The following ATXN2 variants were observed in gnomAD, a reference collection of about 807,000 sequenced individuals.
ATXN2 encodes ataxin 2.
Under a neutral mutation model 138.6 loss-of-function variants are expected in ATXN2, and 37 were observed. The ratio of observed to expected loss-of-function variants is 0.27; its 90% CI spans 0.21 to 0.35. The LOEUF (loss-of-function observed/expected upper bound fraction) is 0.35, where lower values mean the gene tolerates loss of function less well. Among genes scored for constraint, ATXN2 ranks in the 10% least tolerant of loss-of-function variants. ATXN2 has a pLI of 1.00. For missense variants in ATXN2, 1,216 were observed against 1,480.3 expected, an observed-to-expected ratio of 0.82 and a Z score of 2.93; for synonymous variants, 549 against 543.7, an observed-to-expected ratio of 1.01 and a Z score of -0.13.
intron 14 of ATXN2, among the ~76,000 whole-genome samples, chr12:111,505,144 G>C (rs1046116022): frequency 6.6e-6 from 1 of 152,144 alleles, no homozygotes; most frequent in Admixed American, 6.5e-5. Context: ...AGGAGGCTGA[G>C]GCTGCTGTGA....
At chr12:111,470,331 A>C in intron 19 of ATXN2, 91 bp from the exon 20 acceptor site, 1 of 1,462,860 alleles carries the variant, frequency 6.8e-7, no homozygotes, top group Non-Finnish European at 9.2e-7. Context: ...CATGGTTTCC[A>C]GATTTCCAGA....
intron 21 of ATXN2, among the ~76,000 whole-genome samples, chr12:111,464,078 G>A (rs1425410373): frequency 3.3e-5 from 5 of 152,098 alleles, no homozygotes; most frequent in African/African-American, 4.8e-5. Context: ...GTGAGCCACC[G>A]TGCCTGGCCC....
rs1476424222 is a variant in ATXN2 at position 111,525,314 on chromosome 12, C to G, written c.574G>C (p.Ala192Pro). Residue 192 changes from alanine (A) to proline (P), a missense_variant and splice_region_variant, in exon 6 of 25, where the codon GCT becomes CCT. Physicochemically the swap from Ala to Pro is conservative, Grantham distance 27 (BLOSUM62 -1). Transcript: ENST00000673436. ...DMDSSYAKRD[A>P]FTDSAISAKV... Reference sequence around the variant, plus strand: ...GCACTGATAGCAGAGTCAGTAAAAGCATCTGCAAAGAATGGTTTTGGTTGA... The same window carrying G: ...GCACTGATAGCAGAGTCAGTAAAAGGATCTGCAAAGAATGGTTTTGGTTGA... 12 of 1,577,088 alleles carry G rather than the reference C, an allele frequency of 7.6e-6. No individual in the cohort carries two copies. In the East Asian group the frequency reaches 2.8e-4, roughly 36 times the overall value.
chr12:111,568,037 G>A (rs1883111925), intron 1 of ATXN2, among the ~76,000 whole-genome samples: 1 of 152,038 alleles, frequency 6.6e-6, no homozygotes. Context: ...GAGGCAGGTG[G>A]ATTATCTGAG....
At chr12:111,489,145 G>A (rs1049203605) in intron 14 of ATXN2, among the ~76,000 whole-genome samples, 2 of 152,010 alleles carry the variant, frequency 1.3e-5, no homozygotes, top group Admixed American at 6.5e-5. Context: ...TGCTAAGAGA[G>A]TCTATAGAAA....
At chr12:111,575,358 A>T (rs1335532499) in intron 1 of ATXN2, among the ~76,000 whole-genome samples, 1 of 152,024 alleles carries the variant, frequency 6.6e-6, no homozygotes, top group Non-Finnish European at 1.5e-5. Context: ...TTAATTAAAA[A>T]ATATTTTTTG....
intron 18 of ATXN2, among the ~76,000 whole-genome samples, chr12:111,483,450 CTCTT>C (rs1877404578): frequency 1.5e-5 from 2 of 133,272 alleles, no homozygotes; most frequent in Admixed American, 7.4e-5. Context: ...ATTAAAAGAA[CTCTT>C]TTTTTTTTTT....
chr12:111,550,107 T>C (rs1306938481), intron 5 of ATXN2, among the ~76,000 whole-genome samples: 1 of 151,068 alleles, frequency 6.6e-6, no homozygotes. Flanking sequence ...ATAAGATACC[T>C]GAAATTACTC....
Position 111,519,989 on chromosome 12 carries a change from G to A in ATXN2, c.876C>T (p.Ala292=). The change falls in exon 8 of 25, where the codon GCC becomes GCT. Residue 292 remains alanine (A), a synonymous_variant. Coordinates refer to ENST00000673436, the MANE Select transcript of ATXN2 (RefSeq NM_001372574.1). ...NQLAEEIESS[A]QYKARVALEN... is the part of the protein sequence containing the mutation. ...CCAGGGCCACTCGAGCTTTGTACTG[G>A]GCACTTGACTCAATTTCTTCTGCTA... 6.2e-7 allele frequency: 1 copy of A among 1,613,954 alleles called. No homozygotes were observed. The highest frequency in any genetic ancestry group is 8.5e-7 in the Non-Finnish European group (1 of 1,180,004).
rs533165362 is a variant in ATXN2 at position 111,490,918 on chromosome 12, T to C, written c.1936-2138A>G. Among the ~76,000 whole-genome samples, 14 of 152,238 alleles carry C rather than the reference T, an allele frequency of 9.2e-5. 1 individual carries two copies. Among genetic ancestry groups the C allele is most frequent in the South Asian group, 6.2e-4 (3 of 4,814 alleles). On this transcript the variant is annotated intron_variant, in intron 14 of 24. Coordinates refer to ENST00000673436, the MANE Select transcript of ATXN2 (RefSeq NM_001372574.1). ...AGCCAGCACCCACAGAGGGAGTATT[T>C]AGACTAGCCCTAGTCAGAGGGGAAT...
At chr12:111,591,053 CTAATTTTTTT>C (rs1884632638) in intron 1 of ATXN2, among the ~76,000 whole-genome samples, 1 of 152,058 alleles carries the variant, frequency 6.6e-6, no homozygotes, top group Non-Finnish European at 1.5e-5. Context: ...CCGCGCCCAG[CTAATTTTTTT>C]GTATTTTTAG....
chr12:111,498,592 A>G (rs185409243), intron 14 of ATXN2, among the ~76,000 whole-genome samples: 7 of 152,336 alleles, frequency 4.6e-5, no homozygotes, highest in East Asian at 3.9e-4. Context: ...AAGAGATTCC[A>G]TGTTTATGGA....
At chr12:111,466,430 G>T (rs769330531) in intron 20 of ATXN2, among the ~76,000 whole-genome samples, 1 of 151,980 alleles carries the variant, frequency 6.6e-6, no homozygotes, top group South Asian at 2.1e-4. Context: ...GAACGCAGGA[G>T]GCGGAGCGTG....
chr12:111,508,557 C>T lies in ATXN2; in HGVS notation c.1935+992G>A, dbSNP rs1374138731. 2.0e-5 allele frequency among the ~76,000 whole-genome samples: 3 copies of T among 148,264 alleles called. No homozygotes were observed. The Admixed American group carries it at 2.0e-4, about 10-fold the overall frequency. Reference sequence around the variant, plus strand: ...TGTCTCCTGGGTTCAAGCGATTATCCTGCCTCAGCCTGCCAAGTAGCTGGG... The same window carrying T: ...TGTCTCCTGGGTTCAAGCGATTATCTTGCCTCAGCCTGCCAAGTAGCTGGG... On this transcript the variant is annotated intron_variant, in intron 14 of 24. Transcript: ENST00000673436.
At position 111,453,954 on chromosome 12, in the gene ATXN2, G is replaced by A; in HGVS notation, c.3271-109C>T. ...GACTCTCAGGAAAGGGCAACGGTGG[G>A]CCTCAGGGCCCAGTTCTGTTCTCTG... On this transcript the variant is annotated intron_variant, in intron 23 of 24. Transcript: ENST00000673436. The surrounding 1 kb of genome is among the most constrained non-coding windows in gnomAD (Gnocchi z 5.4). 2 of 1,095,566 alleles carry A rather than the reference G, an allele frequency of 1.8e-6. No homozygotes were observed. Among genetic ancestry groups the A allele is most frequent in the Non-Finnish European group, 2.6e-6 (2 of 770,612 alleles). The allele number at this position is 1,095,566 out of a possible 1,614,324, so 67.9% of individuals were successfully genotyped here.
At chr12:111,563,457 C>T (rs1882813054) in intron 1 of ATXN2, among the ~76,000 whole-genome samples, 1 of 152,090 alleles carries the variant, frequency 6.6e-6, no homozygotes, top group Non-Finnish European at 1.5e-5. Flanking sequence ...ATTTTGACAA[C>T]TGTACTGTGG....
chr12:111,468,083 A>C (rs543197545), intron 20 of ATXN2, among the ~76,000 whole-genome samples: 1 of 152,402 alleles, frequency 6.6e-6, no homozygotes, highest in African/African-American at 2.4e-5. Context: ...TTGTTAAATC[A>C]TGATGTATTC....
At position 111,553,604 on chromosome 12, in the gene ATXN2, A is replaced by AAATTTTTTTTT. The variant is rs1882237738; in HGVS notation, c.348+553_348+554insAAAAAAAAATT. On this transcript the variant is annotated intron_variant, in intron 3 of 24. Coordinates refer to ENST00000673436, the MANE Select transcript of ATXN2 (RefSeq NM_001372574.1). ...AAAAAAAAAAAAAAAAAAAAAAAAA[A>AAATTTTTTTTT]TTTTTTTTTTTGAGAAGGGGTCTGT... 5.0e-3 allele frequency among the ~76,000 whole-genome samples: 426 copies of AAATTTTTTTTT among 84,942 alleles called. 13 individuals are homozygous for AAATTTTTTTTT. Among genetic ancestry groups the AAATTTTTTTTT allele is most frequent in the South Asian group, 0.013 (20 of 1,558 alleles). 55.7% of individuals were successfully genotyped at this position (84,942 alleles called of 152,430 possible).
chr12:111,518,441 AT>A lies in ATXN2; in HGVS notation c.987-15del. 1 of 1,580,258 alleles carries A rather than the reference AT, an allele frequency of 6.3e-7. No homozygotes were observed. The highest frequency in any genetic ancestry group is 8.6e-7 in the Non-Finnish European group (1 of 1,156,888). ...TATTTATTTTCCCTGAAAATGAGAGATCCTCTAAATCATTTTATTCTAAAAG... is the reference window on the plus strand; with the variant it reads ...TATTTATTTTCCCTGAAAATGAGAGACCTCTAAATCATTTTATTCTAAAAG... On this transcript the variant is annotated splice_polypyrimidine_tract_variant and intron_variant, in intron 8 of 24. Transcript: ENST00000673436.
Sources: gnomAD v4.1 joint callset for allele counts (sites outside exome capture counted in the v4.1 genomes callset) on GRCh38, gnomAD v4.1.1 for gene constraint, Gnocchi (gnomAD v3.1) non-coding constraint, MANE v1.5 for transcripts, NCBI Gene and HGNC (gene_info 2026-07-23, HGNC 2026-07-21) for gene names.